The following CYP4F8 variants were observed in gnomAD, a reference collection of about 807,000 sequenced individuals.
The protein encoded by CYP4F8 is cytochrome P450 4F8.
Under a neutral mutation model 55.0 loss-of-function variants are expected in CYP4F8, and 56 were observed. That is an observed-to-expected ratio of 1.02 (90% CI 0.82 to 1.27). The LOEUF is 1.27. Ranked by LOEUF, CYP4F8 falls within the 50% of genes most tolerant of loss-of-function variation. The pLI is 0.00. For synonymous variants in CYP4F8, 288 were observed against 267.3 expected (o/e 1.08, Z -0.76); for missense variants, 680 against 682.4 (o/e 1.00, Z 0.04).
Position 15,629,470 on chromosome 19 carries a change from TGGCCAGTAGGGGGCGCTGGA to T in CYP4F8, c.*115_*134del. ...GGCCCCTGTGCCTCAGTCCCGCGGA[TGGCCAGTAGGGGGCGCTGGA>T]GGACTGCGGGGATCTAGGGCCTGGC... On this transcript the variant is annotated 3_prime_UTR_variant, in exon 13 of 13. Coordinates refer to ENST00000612078, the MANE Select transcript of CYP4F8 (RefSeq NM_007253.4). 7.2e-7 allele frequency: 1 copy of T among 1,388,702 alleles called. No individual in the cohort carries two copies. The highest frequency in any genetic ancestry group is 9.5e-7 in the Non-Finnish European group (1 of 1,056,868). 86.0% of individuals were successfully genotyped at this position (1,388,702 alleles called of 1,614,324 possible). A position where few individuals can be genotyped will look rare whatever the true frequency, so the allele number is the denominator to read the frequency against.
chr19:15,617,524 ATCTATCTATCAG>A (rs1024200614), intron 2 of CYP4F8, among the ~76,000 whole-genome samples: 67 of 131,254 alleles, frequency 5.1e-4, no homozygotes, highest in South Asian at 1.2e-3. Context: ...CTATCTATCT[ATCTATCTATCAG>A]TCCGTCTGTC....
At chr19:15,622,459 A>C in intron 6 of CYP4F8, 119 bp downstream of exon 6, 3 of 1,325,318 alleles carry the variant, frequency 2.3e-6, no homozygotes, top group Non-Finnish European at 3.1e-6. Context: ...CTAGGCATTG[A>C]AGGACAAAGA....
chr19:15,622,479 GGA>G (rs368022707), intron 6 of CYP4F8, 139 bp downstream of exon 6: 2,142 of 1,206,880 alleles, frequency 1.8e-3, no homozygotes, highest in East Asian at 2.1e-3. Flanking sequence ...AAGGAGAGAA[GGA>G]GAGAGAGAGA....
intron 2 of CYP4F8, among the ~76,000 whole-genome samples, chr19:15,616,065 C>T (rs1233704142): frequency 7.3e-6 from 1 of 137,904 alleles, no homozygotes; most frequent in Non-Finnish European, 1.6e-5. Context: ...CCTCTCCTCA[C>T]TCACTCATTC....
Position 15,622,218 on chromosome 19 carries a change from G to GGCCAAGTGGCAACGCCTGGCCAT in CYP4F8, c.527_549dup (p.Glu184ProfsTer23). The GGCCAAGTGGCAACGCCTGGCCAT allele has an allele frequency of 6.2e-7, 1 of 1,613,308 alleles. No homozygotes were observed. Among genetic ancestry groups the GGCCAAGTGGCAACGCCTGGCCAT allele is most frequent in the East Asian group, 2.2e-5 (1 of 44,790 alleles). ...CCAGCCCTGCTCCCTTCTCTGGCCA[G>GGCCAAGTGGCAACGCCTGGCCAT]GCCAAGTGGCAACGCCTGGCCATGG... On this transcript the variant is annotated frameshift_variant and splice_region_variant. Coordinates refer to ENST00000612078, the MANE Select transcript of CYP4F8 (RefSeq NM_007253.4). LOFTEE classifies it high-confidence loss of function.
chr19:15,616,832 G>A (rs1319616652), intron 2 of CYP4F8, among the ~76,000 whole-genome samples: 1 of 152,216 alleles, frequency 6.6e-6, no homozygotes, highest in African/African-American at 2.4e-5. Context: ...CCCTTTGGGC[G>A]ATTTGGCATC....
In CYP4F8 at chr19:15,619,503, C is replaced by A. The variant is rs776524753; in HGVS notation, c.357C>A (p.Asp119Glu). Residue 119 changes from aspartate to glutamate, a missense_variant, in exon 4 of 13, where the codon GAC becomes GAA. Transcript: ENST00000612078. Reference protein sequence around the residue: ...SVINTSDAITDKDIVFYKTLK... With the variant: ...SVINTSDAITEKDIVFYKTLK... Reference sequence around the variant, plus strand: ...CATTCATGTCAGATGCCATTACAGACAAGGACATAGTCTTCTACAAGACCC... The same window carrying A: ...CATTCATGTCAGATGCCATTACAGAAAAGGACATAGTCTTCTACAAGACCC... 1.8e-5 allele frequency: 29 copies of A among 1,614,064 alleles called. No individual in the cohort carries two copies. Among genetic ancestry groups the A allele is most frequent in the African/African-American group, 2.7e-5 (2 of 74,928 alleles).
rs560467498 is a variant in CYP4F8 at position 15,628,609 on chromosome 19, C to T, written c.1314+14C>T. 24 of 1,612,774 alleles carry T rather than the reference C, an allele frequency of 1.5e-5. No homozygotes were observed. The highest frequency in any genetic ancestry group is 5.0e-5 in the Admixed American group (3 of 59,880). On this transcript the variant is annotated intron_variant, in intron 11 of 12. Transcript: ENST00000612078. Reference sequence around the variant, plus strand: ...CCAGACCCTGAGGTGCTGCCCCTCCCTGTTTCTCCATCCCCCGGGCCTGGT... The same window carrying T: ...CCAGACCCTGAGGTGCTGCCCCTCCTTGTTTCTCCATCCCCCGGGCCTGGT...
At chr19:15,623,887 G>T in intron 8 of CYP4F8, 78 bp from the exon 9 acceptor site, 1 of 1,597,348 alleles carries the variant, frequency 6.3e-7, no homozygotes, top group Admixed American at 1.7e-5. Flanking sequence ...CTTCCTGAGA[G>T]CCTCAATGTA....
intron 2 of CYP4F8, among the ~76,000 whole-genome samples, chr19:15,616,428 A>G (rs1972123179): frequency 6.6e-6 from 1 of 152,130 alleles, no homozygotes; most frequent in Non-Finnish European, 1.5e-5. Flanking sequence ...ACACTAGTGA[A>G]CCTCTGATGG....
chr19:15,622,450 T>G, intron 6 of CYP4F8, 110 bp downstream of exon 6: 22 of 1,425,864 alleles, frequency 1.5e-5, no homozygotes, highest in Non-Finnish European at 2.0e-5. Flanking sequence ...TGATGAGAAC[T>G]AGGCATTGAA....
In CYP4F8 at chr19:15,623,686, T is replaced by C. The variant is rs775645722; in HGVS notation, c.919-13T>C. 5.6e-6 allele frequency: 9 copies of C among 1,613,968 alleles called. No homozygotes were observed. Among genetic ancestry groups the C allele is most frequent in the African/African-American group, 1.3e-5 (1 of 74,990 alleles). On this transcript the variant is annotated splice_polypyrimidine_tract_variant and intron_variant, in intron 7 of 12. Transcript: ENST00000612078. ...GACCCCAGAACTAGTGTGATTGGGGTTCTTGTCTCCAGGATAAAAATGGTA... is the reference window on the plus strand; with the variant it reads ...GACCCCAGAACTAGTGTGATTGGGGCTCTTGTCTCCAGGATAAAAATGGTA...
At chr19:15,624,385 G>A (rs1288347845) in intron 9 of CYP4F8, among the ~76,000 whole-genome samples, 2 of 152,160 alleles carry the variant, frequency 1.3e-5, no homozygotes, top group Non-Finnish European at 2.9e-5. Flanking sequence ...GGGGGTGTGG[G>A]GAATTGCTGT....
chr19:15,622,032 A>G (rs1282647855), intron 5 of CYP4F8, 187 bp from the exon 6 acceptor site: 3 of 707,718 alleles, frequency 4.2e-6, no homozygotes, highest in Non-Finnish European at 6.5e-6. Flanking sequence ...GAACCCAGCC[A>G]TGGGATCTTC....
At chr19:15,621,481 G>C (rs900458242) in intron 5 of CYP4F8, among the ~76,000 whole-genome samples, 1 of 152,140 alleles carries the variant, frequency 6.6e-6, no homozygotes, top group African/African-American at 2.4e-5. Context: ...AGCCAAGACT[G>C]TGCCACTGCA....
At position 15,628,309 on chromosome 19, in the gene CYP4F8, C is replaced by A. The variant is rs1972287539; in HGVS notation, c.1123C>A (p.Leu375Met). ...TGTTGGGTGTTTCCTTAGGGACGACCTGGCCCAGTTGCCCTTCCTGACCAT... is the reference window on the plus strand; with the variant it reads ...TGTTGGGTGTTTCCTTAGGGACGACATGGCCCAGTTGCCCTTCCTGACCAT... The part of the protein sequence containing the change: ...REPKEIEWDD[L>M]AQLPFLTMCL... The change falls in exon 10 of 13, where the codon CTG (leucine) becomes ATG (methionine). Residue 375 changes from leucine to methionine, a missense_variant. Coordinates refer to ENST00000612078, the MANE Select transcript of CYP4F8 (RefSeq NM_007253.4). The A allele has an allele frequency of 6.2e-7, 1 of 1,614,060 alleles. No individual in the cohort carries two copies. The highest frequency in any genetic ancestry group is 8.5e-7 in the Non-Finnish European group (1 of 1,179,998).
chr19:15,629,229 GA>G lies in CYP4F8; in HGVS notation c.1436del (p.Lys479ArgfsTer38). Reference protein sequence around the residue: ...IGQKFAMAEMKVVLALTLLRF... With the variant: ...IGQKFAMAEMXVVLALTLLRF... ...GGCAGAAGTTCGCGATGGCAGAGAT[GA>G]AGGTGGTCCTGGCGCTCACGCTGCT... On this transcript the variant is annotated frameshift_variant, in exon 13 of 13. Coordinates refer to ENST00000612078, the MANE Select transcript of CYP4F8 (RefSeq NM_007253.4). LOFTEE classifies it low-confidence loss of function (END_TRUNC). 1.9e-6 allele frequency: 3 copies of G among 1,612,960 alleles called. No individual in the cohort carries two copies. The highest frequency in any genetic ancestry group is 2.5e-6 in the Non-Finnish European group (3 of 1,179,552).
At chr19:15,622,941 C>T (rs1568383569) in intron 6 of CYP4F8, 164 bp from the exon 7 acceptor site, 2 of 779,894 alleles carry the variant, frequency 2.6e-6, no homozygotes, top group Non-Finnish European at 4.0e-6. Context: ...CCCTGGGGAC[C>T]TGGGGCAGGA....
intron 5 of CYP4F8, among the ~76,000 whole-genome samples, chr19:15,620,651 C>T (rs1972181826): frequency 1.3e-5 from 2 of 152,176 alleles, no homozygotes; most frequent in Admixed American, 6.5e-5. Flanking sequence ...CTCGGCCTCA[C>T]AAAATGCTGG....
Sources: allele counts gnomAD v4.1 joint callset (sites outside exome capture counted in the v4.1 genomes callset), GRCh38; gene constraint gnomAD v4.1.1; transcripts MANE v1.5; gene names NCBI Gene and HGNC (gene_info 2026-07-23, HGNC 2026-07-21).